Variants in PLEKHA5 observed in about 807,000 individuals in gnomAD.
PLEKHA5 encodes the protein pleckstrin homology domain-containing family A member 5.
Under a neutral mutation model 181.9 loss-of-function variants are expected in PLEKHA5, and 55 were observed. The ratio of observed to expected loss-of-function variants is 0.30; its 90% CI spans 0.24 to 0.38. The LOEUF (loss-of-function observed/expected upper bound fraction) is 0.38, where lower values mean the gene tolerates loss of function less well. Ranked by LOEUF, PLEKHA5 falls within the 10% of genes least tolerant of loss-of-function variation. The pLI is 1.00. For missense variants in PLEKHA5, 1,432 were observed against 1,549.5 expected, an observed-to-expected ratio of 0.92 and a Z score of 1.27; for synonymous variants, 535 against 529.4, an observed-to-expected ratio of 1.01 and a Z score of -0.15.
At chr12:19,269,395 G>GA (rs66531923) in intron 8 of PLEKHA5, among the ~76,000 whole-genome samples, 38,657 of 105,634 alleles carry the variant, frequency 0.37, 6,283 homozygotes, top group African/African-American at 0.49. Context: ...TCAAAAAAAA[G>GA]AAAAAAAAAA....
chr12:19,352,122 G>A (rs7976356), intron 25 of PLEKHA5, among the ~76,000 whole-genome samples: 13,774 of 148,616 alleles, frequency 0.093, 890 homozygotes, highest in Admixed American at 0.17. Flanking sequence ...AGTGGCACGC[G>A]CTTGTAATCC....
chr12:19,253,847 T>C, intron 3 of PLEKHA5, 93 bp from the exon 4 acceptor site: 1 of 853,544 alleles, frequency 1.2e-6, no homozygotes. Context: ...GCTGGAAGTT[T>C]GAATTTCATT....
intron 3 of PLEKHA5, among the ~76,000 whole-genome samples, chr12:19,180,987 A>G (rs960014218): frequency 4.6e-5 from 7 of 151,648 alleles, no homozygotes; most frequent in Non-Finnish European, 1.0e-4. Context: ...ATTCAGAACC[A>G]CCATTCTAAA....
In PLEKHA5 at chr12:19,283,673, A is replaced by T; in HGVS notation, c.1707A>T (p.Arg569Ser). The change falls in exon 12 of 32, where the codon AGA becomes AGT. Residue 569 changes from arginine to serine, a missense_variant. Arg to Ser is a moderately radical substitution (Grantham distance 110, BLOSUM62 -1). Around this residue, in one of 2 missense-constraint regions of PLEKHA5, gnomAD observed 1,143 missense variants for 1,168.4 expected, o/e 0.98. Transcript: ENST00000429027. ...YQGYSPQRTY[R>S]SEVSSPIQRG... The stretch of plus-strand genomic sequence containing the variant: ...GATACTCCCCTCAACGAACTTACAG[A>T]TCGGAAGTGTCTTCACCAATTCAGA... 1 of 1,614,166 alleles carries T rather than the reference A, an allele frequency of 6.2e-7. No homozygotes were observed. The highest frequency in any genetic ancestry group is 8.5e-7 in the Non-Finnish European group (1 of 1,180,006).
chr12:19,356,203 A>T (rs2153226579), intron 26 of PLEKHA5, among the ~76,000 whole-genome samples: 1 of 151,780 alleles, frequency 6.6e-6, no homozygotes, highest in South Asian at 2.1e-4. Context: ...CACAAATATA[A>T]AATCAAGCAG....
At chr12:19,267,137 A>G (rs189102193) in intron 8 of PLEKHA5, among the ~76,000 whole-genome samples, 1 of 152,106 alleles carries the variant, frequency 6.6e-6, no homozygotes, top group African/African-American at 2.4e-5. Flanking sequence ...CTTTATGATT[A>G]TGGCTAAAAT....
chr12:19,323,461 C>T (rs549989580), intron 20 of PLEKHA5, among the ~76,000 whole-genome samples: 44 of 152,064 alleles, frequency 2.9e-4, no homozygotes, highest in Admixed American at 4.6e-4. Context: ...TGAGATCGCG[C>T]CATTACGTTC....
intron 30 of PLEKHA5, 92 bp downstream of exon 30, chr12:19,366,201 C>T (rs1159601180): frequency 9.6e-7 from 1 of 1,040,008 alleles, no homozygotes; most frequent in Non-Finnish European, 1.4e-6. Context: ...AAGGGAATCG[C>T]TTAAGTACCT....
At chr12:19,266,170 T>A (rs1472744828) in intron 8 of PLEKHA5, among the ~76,000 whole-genome samples, 1 of 152,166 alleles carries the variant, frequency 6.6e-6, no homozygotes, top group Admixed American at 6.5e-5. Flanking sequence ...CGTTACTGTA[T>A]GTTTGAATTT....
chr12:19,277,066 G>A (rs1221512475), intron 11 of PLEKHA5, among the ~76,000 whole-genome samples: 1 of 152,076 alleles, frequency 6.6e-6, no homozygotes, highest in African/African-American at 2.4e-5. Flanking sequence ...TGGATGGAAT[G>A]ACAGACATGA....
At position 19,332,530 on chromosome 12, in the gene PLEKHA5, G is replaced by A. The variant is rs1192865492; in HGVS notation, c.2449-3985G>A. Among the ~76,000 whole-genome samples, 4 of 152,136 alleles carry A rather than the reference G, an allele frequency of 2.6e-5. No individual in the cohort carries two copies. In the East Asian group the frequency reaches 7.7e-4, roughly 29 times the overall value. ...GTATTGCTACATTGCCCAGATGGGA[G>A]TGCAGTGGCTATTCACAGGTGCAGT... On this transcript the variant is annotated intron_variant, in intron 20 of 31. Transcript: ENST00000429027.
intron 20 of PLEKHA5, among the ~76,000 whole-genome samples, chr12:19,332,636 C>T (rs1204646747): frequency 6.6e-6 from 1 of 152,120 alleles, no homozygotes; most frequent in African/African-American, 2.4e-5. Context: ...TAGCCTAGCA[C>T]CTGACATTTA....
chr12:19,327,206 A>T (rs1018188288), intron 20 of PLEKHA5, among the ~76,000 whole-genome samples: 1 of 150,686 alleles, frequency 6.6e-6, no homozygotes, highest in African/African-American at 2.4e-5. Context: ...ACTGTGTATA[A>T]GCATTTCCTT....
intron 20 of PLEKHA5, among the ~76,000 whole-genome samples, chr12:19,330,860 G>C (rs1183239529): frequency 6.6e-6 from 1 of 152,000 alleles, no homozygotes; most frequent in African/African-American, 2.4e-5. Flanking sequence ...AAGATATAGT[G>C]GTGGGCATTA....
chr12:19,223,988 A>G (rs952190127), intron 3 of PLEKHA5, among the ~76,000 whole-genome samples: 2 of 152,160 alleles, frequency 1.3e-5, no homozygotes, highest in African/African-American at 4.8e-5. Flanking sequence ...ATGCTAATTA[A>G]TGAACCTTCT....
intron 3 of PLEKHA5, among the ~76,000 whole-genome samples, chr12:19,253,064 C>CTTTTTTTATTTTTTTTTTTT (rs2065789787): frequency 2.2e-5 from 1 of 45,834 alleles, no homozygotes; most frequent in Non-Finnish European, 4.6e-5. Flanking sequence ...ATCAACTTAC[C>CTTTTTTTATTTTTTTTTTTT]TTTTTTTTTT....
intron 15 of PLEKHA5, among the ~76,000 whole-genome samples, chr12:19,294,761 CAAATAAAAAATAAA>C (rs886402265): frequency 2.0e-5 from 3 of 152,012 alleles, no homozygotes; most frequent in African/African-American, 7.2e-5. Flanking sequence ...TGTTTAATAA[CAAATAAAAAATAAA>C]ATAGCCTTAT....
At chr12:19,230,193 A>C (rs1490818731) in intron 3 of PLEKHA5, among the ~76,000 whole-genome samples, 1 of 152,176 alleles carries the variant, frequency 6.6e-6, no homozygotes, top group Non-Finnish European at 1.5e-5. Context: ...TGGTACATTT[A>C]CAAACCTTAA....
chr12:19,279,624 C>T (rs2075527217), intron 11 of PLEKHA5, among the ~76,000 whole-genome samples: 1 of 151,012 alleles, frequency 6.6e-6, no homozygotes, highest in Non-Finnish European at 1.5e-5. Flanking sequence ...CATGCCATTG[C>T]ACTCCAGCCT....
Sources: gnomAD v4.1 joint callset for allele counts (sites outside exome capture counted in the v4.1 genomes callset) on GRCh38, gnomAD v4.1.1 for gene constraint, gnomAD v4.1.1 regional missense constraint, MANE v1.5 for transcripts, NCBI Gene and HGNC (gene_info 2026-07-23, HGNC 2026-07-21) for gene names.